Variants in ALPK1 observed in about 807,000 individuals in gnomAD.
ALPK1 encodes alpha kinase 1.
Under a neutral mutation model 120.6 loss-of-function variants are expected in ALPK1, and 110 were observed. That is an observed-to-expected ratio of 0.91 (90% CI 0.78 to 1.07). ALPK1 has a LOEUF of 1.07. ALPK1 is among the 50% of genes least tolerant of loss of function. The probability of loss-of-function intolerance (pLI) is 0.00; values close to 1 mark genes in which losing one functional copy is unlikely to be tolerated. For missense variants in ALPK1, 1,498 were observed against 1,483.9 expected (o/e 1.01, Z -0.16); for synonymous variants, 582 against 560.3 (o/e 1.04, Z -0.55).
At chr4:112,416,054 GC>G (rs1227591360) in intron 5 of ALPK1, among the ~76,000 whole-genome samples, 1 of 152,096 alleles carries the variant, frequency 6.6e-6, no homozygotes, top group Non-Finnish European at 1.5e-5. Context: ...CTCGATTCAG[GC>G]TAGCAACAAA....
At chr4:112,299,321 A>G (rs1381672747) in intron 1 of ALPK1, among the ~76,000 whole-genome samples, 1 of 152,150 alleles carries the variant, frequency 6.6e-6, no homozygotes, top group African/African-American at 2.4e-5. Context: ...AACTTTTCCT[A>G]AGTATGGTAT....
At chr4:112,360,447 G>A (rs1730863406) in intron 2 of ALPK1, among the ~76,000 whole-genome samples, 1 of 151,836 alleles carries the variant, frequency 6.6e-6, no homozygotes, top group Non-Finnish European at 1.5e-5. Flanking sequence ...TAAGTACAAT[G>A]TTTTTTTGTG....
chr4:112,356,948 T>C (rs542370564), intron 2 of ALPK1: 1 of 762,862 alleles, frequency 1.3e-6, no homozygotes, highest in Non-Finnish European at 2.4e-6. Context: ...TGACCCGAGT[T>C]CGGGACTGGA....
At position 112,430,972 on chromosome 4, in the gene ALPK1, AAAC is replaced by A. The variant is rs1734516490; in HGVS notation, c.1431_1433del (p.Asn477del). The stretch of plus-strand genomic sequence containing the variant: ...GTGAAGTATTTGAAAGTGATTGTGG[AAAC>A]AACAAAAATGAACAGAAAGATGCAA... On this transcript the variant is annotated inframe_deletion, in exon 11 of 16. Coordinates refer to ENST00000650871, the MANE Select transcript of ALPK1 (RefSeq NM_025144.4). The A allele has an allele frequency of 6.2e-7, 1 of 1,613,682 alleles. No individual in the cohort carries two copies. The highest frequency in any genetic ancestry group is 1.7e-5 in the Admixed American group (1 of 59,972).
rs1734240946 is a variant in ALPK1 at position 112,426,482 on chromosome 4, C to T, written c.638C>T (p.Ala213Val). ...ILQKLGMWYEAAELIWASIVG... is the reference protein window; with the variant it reads ...ILQKLGMWYEVAELIWASIVG... ...TTTTTTTCAGGGATGTGGTACGAAGCAGCAGAGTTAATATGGGCCTCCATT... is the reference window on the plus strand; with the variant it reads ...TTTTTTTCAGGGATGTGGTACGAAGTAGCAGAGTTAATATGGGCCTCCATT... Residue 213 changes from alanine to valine, a missense_variant, in exon 8 of 16, where the codon GCA becomes GTA. Physicochemically the swap from Ala to Val is moderately conservative, Grantham distance 64 (BLOSUM62 0). Transcript: ENST00000650871. 1 of 1,606,410 alleles carries T rather than the reference C, an allele frequency of 6.2e-7. No individual in the cohort carries two copies. The highest frequency in any genetic ancestry group is 8.5e-7 in the Non-Finnish European group (1 of 1,177,056).
intron 1 of ALPK1, among the ~76,000 whole-genome samples, chr4:112,311,780 A>G (rs888199243): frequency 1.3e-5 from 2 of 152,354 alleles, no homozygotes; most frequent in Admixed American, 6.5e-5. Flanking sequence ...GATAAAGGTT[A>G]GCACTCACTG....
chr4:112,364,312 T>C lies in ALPK1; in HGVS notation c.-100-13366T>C, dbSNP rs144095566. 1.1e-3 allele frequency among the ~76,000 whole-genome samples: 162 copies of C among 151,774 alleles called. 1 individual carries two copies. In the East Asian group the frequency reaches 0.024, roughly 23 times the overall value. Reference sequence around the variant, plus strand: ...GAAAATAAATAAAACCGTTAGACCATTAGTGAGTTAACCAATAAAAGAAGA... The same window carrying C: ...GAAAATAAATAAAACCGTTAGACCACTAGTGAGTTAACCAATAAAAGAAGA... On this transcript the variant is annotated intron_variant, in intron 2 of 15. Coordinates refer to ENST00000650871, the MANE Select transcript of ALPK1 (RefSeq NM_025144.4).
At position 112,310,215 on chromosome 4, in the gene ALPK1, A is replaced by T. The variant is rs180844819; in HGVS notation, c.-152-5586A>T. On this transcript the variant is annotated intron_variant, in intron 1 of 15. Coordinates refer to ENST00000650871, the MANE Select transcript of ALPK1 (RefSeq NM_025144.4). ...AAGTGAAATTTTCCCCATGGGTTAA[A>T]TTGAAAAATTAATTCATAAATTCAT... Among the ~76,000 whole-genome samples, 3 of 152,250 alleles carry T rather than the reference A, an allele frequency of 2.0e-5. No individual in the cohort carries two copies. The East Asian group carries it at 5.8e-4, about 29-fold the overall frequency.
chr4:112,390,408 C>A (rs1333318572), intron 4 of ALPK1, among the ~76,000 whole-genome samples: 1 of 152,166 alleles, frequency 6.6e-6, no homozygotes, highest in Non-Finnish European at 1.5e-5. Flanking sequence ...AAGGTATCAC[C>A]TTTTCAAAGT....
intron 2 of ALPK1, among the ~76,000 whole-genome samples, chr4:112,341,341 T>C (rs1367059896): frequency 6.6e-6 from 1 of 152,234 alleles, no homozygotes; most frequent in African/African-American, 2.4e-5. Context: ...GGCCTTGCCT[T>C]CCTGACAATT....
chr4:112,355,163 A>G (rs1730544757), intron 2 of ALPK1, among the ~76,000 whole-genome samples: 1 of 152,174 alleles, frequency 6.6e-6, no homozygotes, highest in Non-Finnish European at 1.5e-5. Context: ...TATACCTTAC[A>G]TATTTTGTAC....
At chr4:112,343,423 T>G (rs1729950755) in intron 2 of ALPK1, 1 of 152,156 alleles carries the variant, frequency 6.6e-6, no homozygotes, top group Non-Finnish European at 1.5e-5. Context: ...TTGTGACTAG[T>G]GAATGCACTA....
At chr4:112,438,779 C>G in intron 13 of ALPK1, 133 bp downstream of exon 13, 1 of 985,970 alleles carries the variant, frequency 1.0e-6, no homozygotes, top group South Asian at 1.9e-5. Context: ...CCTGTACTTT[C>G]CAAGAGAGAA....
intron 2 of ALPK1, among the ~76,000 whole-genome samples, chr4:112,374,516 C>T (rs994889911): frequency 6.6e-6 from 1 of 152,160 alleles, no homozygotes; most frequent in African/African-American, 2.4e-5. Flanking sequence ...CACGAATGTT[C>T]TTAATGGTAT....
At chr4:112,437,732 A>C (rs1046364466) in intron 12 of ALPK1, among the ~76,000 whole-genome samples, 1 of 152,094 alleles carries the variant, frequency 6.6e-6, no homozygotes, top group African/African-American at 2.4e-5. Context: ...CTTAAGTTCC[A>C]TTATTATATG....
At chr4:112,353,111 G>A (rs914286216) in intron 2 of ALPK1, 1 of 151,710 alleles carries the variant, frequency 6.6e-6, no homozygotes, top group African/African-American at 2.4e-5. Flanking sequence ...GAGTAGCTGG[G>A]ACCACAGGTG....
chr4:112,326,435 A>G (rs576178726), intron 2 of ALPK1, among the ~76,000 whole-genome samples: 1 of 152,164 alleles, frequency 6.6e-6, no homozygotes, highest in Non-Finnish European at 1.5e-5. Flanking sequence ...TTTCATTTAC[A>G]TCTGTAGGTA....
At chr4:112,354,710 C>A (rs1730520969) in intron 2 of ALPK1, among the ~76,000 whole-genome samples, 1 of 152,106 alleles carries the variant, frequency 6.6e-6, no homozygotes, top group African/African-American at 2.4e-5. Flanking sequence ...TCAAGTGATC[C>A]ACCCACTTCC....
intron 2 of ALPK1, among the ~76,000 whole-genome samples, chr4:112,345,850 T>C (rs1335491979): frequency 6.6e-6 from 1 of 152,188 alleles, no homozygotes; most frequent in Non-Finnish European, 1.5e-5. Context: ...CATTTCTAAG[T>C]ATTTCAGAAT....
Sources: allele counts gnomAD v4.1 joint callset (sites outside exome capture counted in the v4.1 genomes callset), GRCh38; gene constraint gnomAD v4.1.1; transcripts MANE v1.5; gene names NCBI Gene and HGNC (gene_info 2026-07-23, HGNC 2026-07-21).